COL4A5: variants seen among roughly 807,000 people sequenced by gnomAD.
COL4A5 encodes collagen type IV alpha 5 chain, also known as collagen alpha-5(IV) chain.
Under a neutral mutation model 130.2 loss-of-function variants are expected in COL4A5, and 26 were observed. The observed-to-expected ratio is 0.20, with a 90% confidence interval of 0.15 to 0.28. The LOEUF (loss-of-function observed/expected upper bound fraction) is 0.28, where lower values mean the gene tolerates loss of function less well. Among genes scored for constraint, COL4A5 ranks in the 10% least tolerant of loss-of-function variants. The probability of loss-of-function intolerance (pLI) is 1.00; values close to 1 mark genes in which losing one functional copy is unlikely to be tolerated. For synonymous variants in COL4A5, 496 were observed against 439.6 expected (o/e 1.13, Z -1.60); for missense variants, 1,131 against 1,344.3 (o/e 0.84, Z 2.48).
At chrX:108,650,331 TA>T (rs1301010780) in intron 36 of COL4A5, among the ~76,000 whole-genome samples, 1 of 111,439 alleles carries the variant, frequency 9.0e-6, no homozygotes, top group Non-Finnish European at 1.9e-5. Context: ...GGTGGGAATG[TA>T]AACTAGTACA....
At chrX:108,594,414 T>C (rs988857668) in intron 21 of COL4A5, among the ~76,000 whole-genome samples, 2 of 111,974 alleles carry the variant, frequency 1.8e-5, no homozygotes, top group African/African-American at 6.5e-5. Flanking sequence ...CTTTAGAGGC[T>C]ATTAACATAG....
chrX:108,473,633 A>ATATATTT, intron 1 of COL4A5, among the ~76,000 whole-genome samples: 8 of 34,562 alleles, frequency 2.3e-4, no homozygotes, highest in African/African-American at 8.6e-4. Flanking sequence ...ATATATATAT[A>ATATATTT]TTTTTTTTTT....
intron 36 of COL4A5, among the ~76,000 whole-genome samples, chrX:108,641,243 G>T: frequency 8.9e-6 from 1 of 111,970 alleles, no homozygotes; most frequent in East Asian, 2.8e-4. Context: ...CAAGAGAAAT[G>T]AAGCTGTATT....
At chrX:108,550,518 C>G (rs773781239) in intron 2 of COL4A5, among the ~76,000 whole-genome samples, 1 of 111,676 alleles carries the variant, frequency 9.0e-6, no homozygotes, top group African/African-American at 3.2e-5. Flanking sequence ...AAAAATTACT[C>G]TTAGTAAACT....
At chrX:108,623,658 CATGTGT>C (rs972767937) in intron 33 of COL4A5, among the ~76,000 whole-genome samples, 43 of 111,469 alleles carry the variant, frequency 3.9e-4, no homozygotes, top group African/African-American at 1.4e-3. Context: ...ATTGTCAGTT[CATGTGT>C]ATGTGTATGT....
At chrX:108,611,203 A>G (rs979586449) in intron 29 of COL4A5, among the ~76,000 whole-genome samples, 8 of 111,537 alleles carry the variant, frequency 7.2e-5, no homozygotes, top group African/African-American at 2.3e-4. Context: ...AATACTCATC[A>G]TGATATATCT....
chrX:108,578,136 A>G lies in COL4A5; in HGVS notation c.687+17A>G. ...GGTGAAAAAGTGAGTAAAGAAAGAG[A>G]GCTGGTTATTCAGCCCTCAGCTTTC... On this transcript the variant is annotated intron_variant, in intron 12 of 52. Coordinates refer to ENST00000328300, the MANE Select transcript of COL4A5 (RefSeq NM_033380.3). 5 of 1,205,608 alleles carry G rather than the reference A, an allele frequency of 4.1e-6. No individual in the cohort carries two copies. The highest frequency in any genetic ancestry group is 5.6e-6 in the Non-Finnish European group (5 of 890,392).
chrX:108,588,284 A>T (rs1265013617), intron 19 of COL4A5, among the ~76,000 whole-genome samples: 1 of 111,361 alleles, frequency 9.0e-6, no homozygotes, highest in Non-Finnish European at 1.9e-5. Flanking sequence ...TGAAATACTA[A>T]AATGATGAGA....
chrX:108,683,243 T>C (rs1391363940), intron 47 of COL4A5, among the ~76,000 whole-genome samples: 1 of 111,575 alleles, frequency 9.0e-6, no homozygotes, highest in African/African-American at 3.3e-5. Flanking sequence ...TCTGTTCCAT[T>C]GGTCTATATA....
At chrX:108,527,690 G>A (rs1387991217) in intron 1 of COL4A5, among the ~76,000 whole-genome samples, 2 of 111,260 alleles carry the variant, frequency 1.8e-5, no homozygotes, top group African/African-American at 6.6e-5. Context: ...GGGGTCCTGA[G>A]CACAAGCCGC....
chrX:108,684,916 G>A (rs1019453384), intron 47 of COL4A5, among the ~76,000 whole-genome samples: 3 of 112,183 alleles, frequency 2.7e-5, no homozygotes, highest in Non-Finnish European at 1.9e-5. Flanking sequence ...CGATTAAGTC[G>A]GCTTCATTGC....
At chrX:108,586,777 C>A in intron 19 of COL4A5, 30 bp downstream of exon 19, 1 of 1,191,210 alleles carries the variant, frequency 8.4e-7, no homozygotes, top group African/African-American at 1.8e-5. Context: ...TGGCCTTGTT[C>A]TTATAGCATC....
At position 108,580,513 on chromosome X, in the gene COL4A5, T is replaced by C; in HGVS notation, c.781-20T>C. Reference sequence around the variant, plus strand: ...TGTTCCAGTATTAACATTGATTTCCTTTCCCCTACTACTGCATAGGGACTT... The same window carrying C: ...TGTTCCAGTATTAACATTGATTTCCCTTCCCCTACTACTGCATAGGGACTT... On this transcript the variant is annotated intron_variant, in intron 13 of 52. Coordinates refer to ENST00000328300, the MANE Select transcript of COL4A5 (RefSeq NM_033380.3). 8.4e-7 allele frequency: 1 copy of C among 1,187,214 alleles called. No individual in the cohort carries two copies. Among genetic ancestry groups the C allele is most frequent in the South Asian group, 1.8e-5 (1 of 56,405 alleles).
At chrX:108,463,410 T>G (rs1003839555) in intron 1 of COL4A5, among the ~76,000 whole-genome samples, 9 of 111,998 alleles carry the variant, frequency 8.0e-5, no homozygotes, top group Non-Finnish European at 1.3e-4. Context: ...CCAGCCCAGC[T>G]TGTAACTTTC....
At chrX:108,440,408 TA>T (rs1444824975) in intron 1 of COL4A5, 2 of 421,806 alleles carry the variant, frequency 4.7e-6, no homozygotes, top group Non-Finnish European at 8.2e-6. Flanking sequence ...TTTAAGTGCT[TA>T]AAAATAGGGC....
intron 42 of COL4A5, 36 bp from the exon 43 acceptor site, chrX:108,674,709 C>T (rs747757892): frequency 2.5e-6 from 3 of 1,193,543 alleles, no homozygotes; most frequent in African/African-American, 1.8e-5. Context: ...CTGCTAACAT[C>T]GATCTTTGGG....
At chrX:108,527,710 C>T (rs2065340752) in intron 1 of COL4A5, among the ~76,000 whole-genome samples, 1 of 111,695 alleles carries the variant, frequency 9.0e-6, no homozygotes, top group Admixed American at 9.4e-5. Flanking sequence ...CAGAGCCGAG[C>T]TTCTGCTCTG....
At chrX:108,681,978 A>C in intron 47 of COL4A5, 90 bp downstream of exon 47, 1 of 878,964 alleles carries the variant, frequency 1.1e-6, no homozygotes, top group South Asian at 2.1e-5. Context: ...ACATAGGTAT[A>C]CACTTGCCAT....
intron 1 of COL4A5, among the ~76,000 whole-genome samples, chrX:108,508,557 C>CAAAAAAAAA (rs1182036182): frequency 4.6e-3 from 177 of 38,084 alleles, no homozygotes; most frequent in Non-Finnish European, 6.0e-3. Flanking sequence ...CATGTAGGAC[C>CAAAAAAAAA]AAAAAAAAAA....
Sources: allele counts gnomAD v4.1 joint callset (sites outside exome capture counted in the v4.1 genomes callset), GRCh38; gene constraint gnomAD v4.1.1; transcripts MANE v1.5; gene names NCBI Gene and HGNC (gene_info 2026-07-23, HGNC 2026-07-21).